The following DYDC2 variants were observed in gnomAD, a reference collection of about 807,000 sequenced individuals.
DYDC2 encodes the protein DPY30 domain containing 2, also known as DPY30 domain-containing protein 2.
DYDC2 carries 19 observed loss-of-function variants against 18.7 expected under a neutral mutation model. That is an observed-to-expected ratio of 1.02 (90% CI 0.71 to 1.49). The LOEUF is 1.49. Ranked by LOEUF, DYDC2 falls within the 40% of genes most tolerant of loss-of-function variation. DYDC2 has a pLI of 0.00. For synonymous variants in DYDC2, 63 were observed against 67.6 expected (o/e 0.93, Z 0.34); for missense variants, 179 against 205.1 (o/e 0.87, Z 0.78).
At chr10:80,353,601 C>G (rs1367498479), upstream of DYDC2, among the ~76,000 whole-genome samples, 1 of 151,014 alleles carries the variant, frequency 6.6e-6, no homozygotes, top group Non-Finnish European at 1.5e-5. Flanking sequence ...CCTGTAATCA[C>G]AGCACTTTGG....
intron 1 of DYDC2, among the ~76,000 whole-genome samples, chr10:80,349,785 CAT>C (rs1435293173): frequency 6.6e-6 from 1 of 152,212 alleles, no homozygotes; most frequent in Non-Finnish European, 1.5e-5. Flanking sequence ...CTTCCTCACA[CAT>C]GAGCAAAACC....
In DYDC2 at chr10:80,358,115, C is replaced by T. The variant is rs908697434; in HGVS notation, c.-10+70C>T. On this transcript the variant is annotated intron_variant, in intron 2 of 4. Transcript: ENST00000256039. The stretch of plus-strand genomic sequence containing the variant: ...CCCTTGGCCAGGCGCGGTGGCTCAC[C>T]GCCTGTAATCCTAGCACTTTGGGAG... 76 of 961,852 alleles carry T rather than the reference C, an allele frequency of 7.9e-5. No individual in the cohort carries two copies. The Middle Eastern group carries it at 2.2e-3, about 27-fold the overall frequency. The allele number at this position is 961,852 out of a possible 1,614,324, so 59.6% of individuals were successfully genotyped here. A position where few individuals can be genotyped will look rare whatever the true frequency, so the allele number is the denominator to read the frequency against.
chr10:80,352,432 C>G (rs560947263), upstream of DYDC2: 4 of 1,548,742 alleles, frequency 2.6e-6, no homozygotes, highest in East Asian at 9.3e-5. Context: ...CTTCTAATTT[C>G]CTAGAAGGAG....
chr10:80,359,457 C>A (rs1386976069), intron 2 of DYDC2, among the ~76,000 whole-genome samples: 12 of 152,246 alleles, frequency 7.9e-5, no homozygotes, highest in Admixed American at 7.9e-4. Context: ...CGCATCAGGG[C>A]TGCAGGCGGA....
intron 4 of DYDC2, among the ~76,000 whole-genome samples, chr10:80,365,742 G>A (rs1843812465): frequency 6.6e-6 from 1 of 152,180 alleles, no homozygotes; most frequent in South Asian, 2.1e-4. Context: ...GTGTGGTTCA[G>A]TTTGGATAAT....
chr10:80,358,217 A>G (rs1238274749), intron 2 of DYDC2, among the ~76,000 whole-genome samples, 172 bp downstream of exon 2: 1 of 152,164 alleles, frequency 6.6e-6, no homozygotes, highest in Admixed American at 6.5e-5. Context: ...ATCTCTACTA[A>G]AAATACAAAA....
chr10:80,357,468 G>A (rs766204166), intron 1 of DYDC2, among the ~76,000 whole-genome samples: 4 of 152,130 alleles, frequency 2.6e-5, no homozygotes, highest in Non-Finnish European at 5.9e-5. Flanking sequence ...AGAGGTGGCG[G>A]GCTTTGAGGA....
In DYDC2 at chr10:80,361,223, A is replaced by T. The variant is rs114795544; in HGVS notation, c.-9-1212A>T. Among the ~76,000 whole-genome samples, 1,057 of 151,342 alleles carry T rather than the reference A, an allele frequency of 7.0e-3. 17 individuals are homozygous for T. The highest frequency in any genetic ancestry group is 0.024 in the African/African-American group (991 of 41,214). On this transcript the variant is annotated intron_variant, in intron 2 of 4. Coordinates refer to ENST00000256039, the MANE Select transcript of DYDC2 (RefSeq NM_032372.6). Reference sequence around the variant, plus strand: ...AGTACAGGGTAGTTGCTTTGGATTTATTTGATGTTTCTTCAATTACATTCA... The same window carrying T: ...AGTACAGGGTAGTTGCTTTGGATTTTTTTGATGTTTCTTCAATTACATTCA...
chr10:80,358,541 G>A lies in DYDC2; in HGVS notation c.-10+496G>A, dbSNP rs571801980. On this transcript the variant is annotated intron_variant, in intron 2 of 4. Transcript: ENST00000256039. ...AATGGGCAATTTAGAGTAGGGGGAG[G>A]TATGCCAATACGGCTTGCCACATGT... 1.7e-3 allele frequency among the ~76,000 whole-genome samples: 256 copies of A among 152,274 alleles called. 2 individuals carry two copies. Among genetic ancestry groups the A allele is most frequent in the African/African-American group, 6.1e-3 (252 of 41,544 alleles).
upstream of DYDC2, chr10:80,351,836 G>A: frequency 1.4e-6 from 2 of 1,435,694 alleles, no homozygotes; most frequent in South Asian, 2.4e-5. Context: ...CAACATTTAG[G>A]CTGTGCCATG....
At chr10:80,362,620 G>T in intron 3 of DYDC2, 30 bp downstream of exon 3, 3 of 1,568,556 alleles carry the variant, frequency 1.9e-6, no homozygotes, top group Non-Finnish European at 8.7e-7. Flanking sequence ...CTTAGGGAGG[G>T]CCCAGCTTTC....
intron 4 of DYDC2, 96 bp downstream of exon 4, chr10:80,363,169 T>A: frequency 7.6e-7 from 1 of 1,322,746 alleles, no homozygotes; most frequent in Non-Finnish European, 1.0e-6. Context: ...CAAGGCACAT[T>A]AAGGGTCCCT....
rs567542620 is a variant in DYDC2, at chr10:80,367,130, A to G, written c.*179A>G. The G allele has an allele frequency of 5.0e-5, 35 of 703,658 alleles. No individual in the cohort carries two copies. Among genetic ancestry groups the G allele is most frequent in the Non-Finnish European group, 7.3e-5 (33 of 451,856 alleles). The allele number at this position is 703,658 out of a possible 1,614,324, so 43.6% of individuals were successfully genotyped here. A position where few individuals can be genotyped will look rare whatever the true frequency, so the allele number is the denominator to read the frequency against. Reference sequence around the variant, plus strand: ...TTGAACTAGTTATAGGATAAAATAAACTCAGAATAAGGATTTAAAATAAGT... The same window carrying G: ...TTGAACTAGTTATAGGATAAAATAAGCTCAGAATAAGGATTTAAAATAAGT... On this transcript the variant is annotated 3_prime_UTR_variant, in exon 5 of 5. Transcript: ENST00000256039.
At chr10:80,360,467 AGATAATCCAG>A (rs1429896965) in intron 2 of DYDC2, among the ~76,000 whole-genome samples, 2 of 152,146 alleles carry the variant, frequency 1.3e-5, no homozygotes, top group African/African-American at 4.8e-5. Flanking sequence ...GTTCCTACTC[AGATAATCCAG>A]GATAATCCCC....
chr10:80,366,557 T>C, intron 4 of DYDC2, 131 bp from the exon 5 acceptor site: 1 of 1,120,466 alleles, frequency 8.9e-7, no homozygotes, highest in South Asian at 1.6e-5. Flanking sequence ...TTTTATGCTT[T>C]GTTAAAGCAG....
intron 1 of DYDC2, among the ~76,000 whole-genome samples, chr10:80,357,540 C>T (rs180884968): frequency 6.6e-6 from 1 of 152,092 alleles, no homozygotes; most frequent in African/African-American, 2.4e-5. Context: ...CCTGGAAGAC[C>T]GTCACTGCAA....
intron 1 of DYDC2, 140 bp from the exon 2 acceptor site, chr10:80,357,753 C>T (rs1843477397): frequency 1.2e-5 from 12 of 972,646 alleles, no homozygotes; most frequent in Non-Finnish European, 1.5e-5. Context: ...AGCTTATGGG[C>T]GGGGCAGTGC....
chr10:80,352,245 A>T (rs1244053092), upstream of DYDC2, among the ~76,000 whole-genome samples: 2 of 152,222 alleles, frequency 1.3e-5, no homozygotes, highest in African/African-American at 4.8e-5. Context: ...TATAGAAAAA[A>T]GACTTCCCAT....
intron 2 of DYDC2, among the ~76,000 whole-genome samples, chr10:80,360,159 A>G (rs1843622151): frequency 1.3e-5 from 2 of 152,304 alleles, no homozygotes; most frequent in East Asian, 1.9e-4. Context: ...GGCAGGAGAC[A>G]CCACCCACCT....
Sources: gnomAD v4.1 joint callset for allele counts (sites outside exome capture counted in the v4.1 genomes callset) on GRCh38, gnomAD v4.1.1 for gene constraint, MANE v1.5 for transcripts, NCBI Gene and HGNC (gene_info 2026-07-23, HGNC 2026-07-21) for gene names.